Variants in GLG1 observed in about 807,000 individuals in gnomAD.
GLG1 encodes golgi glycoprotein 1.
In GLG1, 38 loss-of-function variants were observed where a neutral mutation model predicts 160.5. The observed-to-expected ratio is 0.24, with a 90% CI of 0.18 to 0.31. GLG1 has a LOEUF of 0.31. Ranked by LOEUF, GLG1 falls within the 10% of genes least tolerant of loss-of-function variation. The pLI is 1.00. For synonymous variants in GLG1, 644 were observed against 543.4 expected, an observed-to-expected ratio of 1.19 and a Z score of -2.57; for missense variants, 1,373 against 1,505.2, an observed-to-expected ratio of 0.91 and a Z score of 1.45.
At chr16:74,471,073 T>C in intron 15 of GLG1, 100 bp downstream of exon 15, 1 of 759,006 alleles carries the variant, frequency 1.3e-6, no homozygotes, top group Non-Finnish European at 2.4e-6. Flanking sequence ...AAATGACTTT[T>C]AACAGAACAT....
chr16:74,459,338 C>A (rs570222317), intron 23 of GLG1, among the ~76,000 whole-genome samples: 2 of 152,184 alleles, frequency 1.3e-5, no homozygotes, highest in South Asian at 4.2e-4. Context: ...ATTAGTCAGG[C>A]GTGGTGGCGG....
chr16:74,490,957 T>C, intron 8 of GLG1, 44 bp downstream of exon 8: 7 of 1,371,008 alleles, frequency 5.1e-6, no homozygotes, highest in Non-Finnish European at 6.2e-6. Context: ...GCTCTTCAGC[T>C]GATAAATGTG....
At chr16:74,495,587 G>C (rs574400767) in intron 5 of GLG1, among the ~76,000 whole-genome samples, 2 of 152,306 alleles carry the variant, frequency 1.3e-5, no homozygotes, top group African/African-American at 4.8e-5. Context: ...GACTTAGAAG[G>C]CTGTTCTGTA....
chr16:74,474,482 A>C (rs2015327929), intron 13 of GLG1, 64 bp downstream of exon 13: 1 of 829,278 alleles, frequency 1.2e-6, no homozygotes. Flanking sequence ...CAGTAGAATC[A>C]AACACAAAAG....
chr16:74,475,324 A>G (rs2143277045), intron 12 of GLG1, among the ~76,000 whole-genome samples: 1 of 152,300 alleles, frequency 6.6e-6, no homozygotes, highest in South Asian at 2.1e-4. Context: ...CTCATTTTAA[A>G]TATGCACTTT....
chr16:74,453,742 G>A (rs2014416801), intron 25 of GLG1, among the ~76,000 whole-genome samples: 3 of 152,062 alleles, frequency 2.0e-5, no homozygotes, highest in Admixed American at 1.3e-4. Context: ...GGGTGAGTGT[G>A]GTTAAATGAC....
intron 15 of GLG1, 34 bp from the exon 16 acceptor site, chr16:74,470,107 T>C (rs2303279): frequency 0.73 from 1,011,747 of 1,381,404 alleles, 375,435 homozygotes; most frequent in Middle Eastern, 0.83. Flanking sequence ...TCAGAAGTTT[T>C]GTGGCAACTT....
intron 13 of GLG1, among the ~76,000 whole-genome samples, chr16:74,473,737 C>T (rs1314693298): frequency 6.6e-6 from 1 of 152,082 alleles, no homozygotes; most frequent in Non-Finnish European, 1.5e-5. Flanking sequence ...CTGCACCTGG[C>T]CTCTAATCCC....
chr16:74,565,173 A>G (rs1035731703), intron 1 of GLG1, among the ~76,000 whole-genome samples: 2 of 152,086 alleles, frequency 1.3e-5, no homozygotes, highest in Admixed American at 6.6e-5. Context: ...TACTAAAAAT[A>G]TAAAAATTAG....
intron 1 of GLG1, among the ~76,000 whole-genome samples, chr16:74,558,897 A>ATT (rs887615378): frequency 6.6e-6 from 1 of 151,954 alleles, no homozygotes; most frequent in Non-Finnish European, 1.5e-5. Context: ...TACTTTTTAT[A>ATT]TTTTCTTAGA....
At chr16:74,463,090 A>G (rs2014864719) in intron 20 of GLG1, 1 of 492,236 alleles carries the variant, frequency 2.0e-6, no homozygotes. Context: ...GAATTTCTAG[A>G]TTTTTCTTTC....
At chr16:74,534,301 G>C (rs2017626818) in intron 1 of GLG1, among the ~76,000 whole-genome samples, 1 of 152,046 alleles carries the variant, frequency 6.6e-6, no homozygotes, top group Admixed American at 6.6e-5. Flanking sequence ...TCTCTTAATA[G>C]TTTATTTACA....
chr16:74,595,245 G>T (rs920198076), intron 1 of GLG1, among the ~76,000 whole-genome samples: 1 of 150,142 alleles, frequency 6.7e-6, no homozygotes, highest in Admixed American at 6.7e-5. Context: ...AGAATTAAAA[G>T]TACTGAAGGG....
At chr16:74,563,971 C>T (rs2018579224) in intron 1 of GLG1, among the ~76,000 whole-genome samples, 1 of 152,052 alleles carries the variant, frequency 6.6e-6, no homozygotes, top group African/African-American at 2.4e-5. Flanking sequence ...TCACCCAGGC[C>T]GGACTGCAGT....
At chr16:74,498,469 A>ATATATATATATATATATATATATAT (rs2016291278) in intron 4 of GLG1, among the ~76,000 whole-genome samples, 1 of 35,934 alleles carries the variant, frequency 2.8e-5, no homozygotes, top group African/African-American at 8.6e-5. Flanking sequence ...TATATATATT[A>ATATATATATATATATATATATATAT]TATTTTATAT....
intron 22 of GLG1, 176 bp downstream of exon 22, chr16:74,461,918 G>T: frequency 1.8e-6 from 1 of 549,732 alleles, no homozygotes; most frequent in Non-Finnish European, 3.2e-6. Context: ...CAGGACTAAT[G>T]CCAAGTTGAA....
At chr16:74,481,015 C>G (rs1378867248) in intron 10 of GLG1, among the ~76,000 whole-genome samples, 1 of 152,190 alleles carries the variant, frequency 6.6e-6, no homozygotes, top group Non-Finnish European at 1.5e-5. Flanking sequence ...AGACAGCACT[C>G]ACATGCCCTG....
At position 74,530,647 on chromosome 16, in the gene GLG1, CTTTT is replaced by C. The variant is rs967488105; in HGVS notation, c.471+1470_471+1473del. On this transcript the variant is annotated intron_variant, in intron 2 of 25. Coordinates refer to ENST00000422840, the MANE Select transcript of GLG1 (RefSeq NM_001145667.2). Reference sequence around the variant, plus strand: ...GTGTATTTATCCTTTTTTTTTTTTTCTTTTTAAGAGATGGGGGGCTCACTTTGTT... The same window carrying C: ...GTGTATTTATCCTTTTTTTTTTTTTCTAAGAGATGGGGGGCTCACTTTGTT... Among the ~76,000 whole-genome samples, 101 of 118,366 alleles carry C rather than the reference CTTTT, an allele frequency of 8.5e-4. 1 individual carries two copies. The highest frequency in any genetic ancestry group is 6.0e-4 in the Non-Finnish European group (33 of 54,548). 77.7% of individuals were successfully genotyped at this position (118,366 alleles called of 152,430 possible).
At chr16:74,584,013 T>TA (rs1422757038) in intron 1 of GLG1, among the ~76,000 whole-genome samples, 1 of 152,170 alleles carries the variant, frequency 6.6e-6, no homozygotes, top group Non-Finnish European at 1.5e-5. Flanking sequence ...CCTTTGCTAC[T>TA]AGTCTCCTTT....
Sources: gnomAD v4.1 joint callset for allele counts (sites outside exome capture counted in the v4.1 genomes callset) on GRCh38, gnomAD v4.1.1 for gene constraint, MANE v1.5 for transcripts, NCBI Gene and HGNC (gene_info 2026-07-23, HGNC 2026-07-21) for gene names.